AEBP1: variants seen among roughly 807,000 people sequenced by gnomAD.
AEBP1 encodes adipocyte enhancer-binding protein 1.
AEBP1 carries 69 observed loss-of-function variants against 116.5 expected under a neutral mutation model. The ratio of observed to expected loss-of-function variants is 0.59; its 90% CI spans 0.49 to 0.72. The LOEUF (loss-of-function observed/expected upper bound fraction) is 0.72. Among genes scored for constraint, AEBP1 ranks in the 30% least tolerant of loss-of-function variants. The pLI is 0.00. For synonymous variants in AEBP1, 627 were observed against 627.3 expected (o/e 1.00, Z 0.01); for missense variants, 1,444 against 1,557.5 (o/e 0.93, Z 1.23).
chr7:44,110,084 G>A lies in AEBP1; in HGVS notation c.1220G>A (p.Arg407His), dbSNP rs769581108. 131 of 1,612,988 alleles carry A rather than the reference G, an allele frequency of 8.1e-5. No individual in the cohort carries two copies. Among genetic ancestry groups the A allele is most frequent in the Non-Finnish European group, 6.2e-5 (73 of 1,180,018 alleles). ...DNQIRASSMLRHGLGAQRGRL... is the reference protein window; with the variant it reads ...DNQIRASSMLHHGLGAQRGRL... ...CAGATCCGAGCCTCCTCCATGCTGCGCCACGGCCTGGGGGCACAGCGCGGC... is the reference window on the plus strand; with the variant it reads ...CAGATCCGAGCCTCCTCCATGCTGCACCACGGCCTGGGGGCACAGCGCGGC... Residue 407 changes from arginine to histidine, a missense_variant, in exon 10 of 21, where the codon CGC becomes CAC. By Grantham distance (29) the Arg-to-His change is conservative (BLOSUM62 0). Transcript: ENST00000223357.
In AEBP1 at chr7:44,111,649, C is replaced by G; in HGVS notation, c.1840+19C>G. The G allele has an allele frequency of 6.2e-7, 1 of 1,609,768 alleles. No homozygotes were observed. The highest frequency in any genetic ancestry group is 1.1e-5 in the South Asian group (1 of 90,864). On this transcript the variant is annotated intron_variant, in intron 15 of 20. Transcript: ENST00000223357. This position sits in a 1 kb window ranked among gnomAD's most constrained non-coding sequence, Gnocchi z 4.7. ...GAACTGGGTGAGGGTCTGTGGGGGC[C>G]AGCAGCTGGCCTCTGCTGCTGATGT... is the stretch of plus-strand genomic sequence containing the variant.
chr7:44,110,839 G>A (rs1429987519), intron 12 of AEBP1, 30 bp downstream of exon 12: 1 of 1,606,488 alleles, frequency 6.2e-7, no homozygotes, highest in Admixed American at 1.7e-5. Flanking sequence ...TCTTGGCTCT[G>A]CTCCCATTGT....
intron 8 of AEBP1, 47 bp downstream of exon 8, chr7:44,109,231 G>A: frequency 6.2e-7 from 1 of 1,612,510 alleles, no homozygotes; most frequent in Non-Finnish European, 8.5e-7. Context: ...GGCAGCATCT[G>A]GACTCCTGAT....
In AEBP1 at chr7:44,113,429, C is replaced by A. The variant is rs1562689460; in HGVS notation, c.2809+78C>A. ...GAGGGTGGGGGCTTGAGGAACTCAG[C>A]GAGCAGGTAGAGTCTGGGGAGCCTG... On this transcript the variant is annotated intron_variant, in intron 20 of 20. Coordinates refer to ENST00000223357, the MANE Select transcript of AEBP1 (RefSeq NM_001129.5). This position sits in a 1 kb window ranked among gnomAD's most constrained non-coding sequence, Gnocchi z 5.3. 2.0e-6 allele frequency: 3 copies of A among 1,491,052 alleles called. No homozygotes were observed. Among genetic ancestry groups the A allele is most frequent in the Non-Finnish European group, 1.8e-6 (2 of 1,097,158 alleles). The allele number at this position is 1,491,052 out of a possible 1,614,324, so 92.4% of individuals were successfully genotyped here.
chr7:44,113,959 A>C lies in AEBP1; in HGVS notation c.3175A>C (p.Thr1059Pro). The C allele has an allele frequency of 1.2e-6, 2 of 1,613,414 alleles. No individual in the cohort carries two copies. The highest frequency in any genetic ancestry group is 1.7e-6 in the Non-Finnish European group (2 of 1,179,678). The change falls in exon 21 of 21, where the codon ACC (threonine) becomes CCC (proline). Residue 1059 changes from threonine (T) to proline (P), a missense_variant. Transcript: ENST00000223357. The surrounding 1 kb of genome is among the most constrained non-coding windows in gnomAD (Gnocchi z 5.3). Reference sequence around the variant, plus strand: ...TCCCACGCTGCCCCCTGCCCCTGCCACCACCCTGAGCACTACCATAGAGCC... The same window carrying C: ...TCCCACGCTGCCCCCTGCCCCTGCCCCCACCCTGAGCACTACCATAGAGCC... The part of the protein sequence containing the change: ...VPPTLPPAPA[T>P]TLSTTIEPWG...
In AEBP1 at chr7:44,114,426, G is replaced by A. The variant is rs2096234630; in HGVS notation, c.*165G>A. ...CCTTTGAGGGGGTGCAAACATGACT[G>A]GGACCTAAGAGCCAGAGGCTGTGTA... On this transcript the variant is annotated 3_prime_UTR_variant, in exon 21 of 21. Coordinates refer to ENST00000223357, the MANE Select transcript of AEBP1 (RefSeq NM_001129.5). 1 of 773,044 alleles carries A rather than the reference G, an allele frequency of 1.3e-6. No individual in the cohort carries two copies. The highest frequency in any genetic ancestry group is 1.7e-5 in the African/African-American group (1 of 57,160). 47.9% of individuals were successfully genotyped at this position (773,044 alleles called of 1,614,324 possible). A position where few individuals can be genotyped will look rare whatever the true frequency, so the allele number is the denominator to read the frequency against.
chr7:44,104,532 C>A lies in AEBP1; in HGVS notation c.-134C>A, dbSNP rs375810199. On this transcript the variant is annotated 5_prime_UTR_variant, in exon 1 of 21. Transcript: ENST00000223357. The stretch of plus-strand genomic sequence containing the variant: ...TCTCCCTCCCTTTCCCGGATTCCCT[C>A]GCTCACCCCATCCTCTCTCCCGCCC... The A allele has an allele frequency of 8.4e-4, 488 of 580,738 alleles. 11 individuals carry two copies. In the South Asian group the frequency reaches 0.014, roughly 16 times the overall value. 36.0% of individuals were successfully genotyped at this position (580,738 alleles called of 1,614,324 possible). A position where few individuals can be genotyped will look rare whatever the true frequency, so the allele number is the denominator to read the frequency against.
Position 44,111,353 on chromosome 7 carries a change from T to C in AEBP1, c.1716+114T>C. ...CCCTACTGGTTCCAGGGATGCTGGC[T>C]GTCCCTCACCTTAGGAAGGAGGCCA... On this transcript the variant is annotated intron_variant, in intron 14 of 20. Transcript: ENST00000223357. This position sits in a 1 kb window ranked among gnomAD's most constrained non-coding sequence, Gnocchi z 4.7. 7.1e-7 allele frequency: 1 copy of C among 1,404,504 alleles called. No individual in the cohort carries two copies. The highest frequency in any genetic ancestry group is 9.4e-7 in the Non-Finnish European group (1 of 1,058,886). The allele number at this position is 1,404,504 out of a possible 1,614,324, so 87.0% of individuals were successfully genotyped here. A position where few individuals can be genotyped will look rare whatever the true frequency, so the allele number is the denominator to read the frequency against.
Position 44,113,397 on chromosome 7 carries a change from C to T in AEBP1, c.2809+46C>T, listed in dbSNP as rs1274922009. The T allele has an allele frequency of 2.6e-6, 4 of 1,555,872 alleles. No individual in the cohort carries two copies. The Admixed American group carries it at 5.6e-5, about 22-fold the overall frequency. ...TACCCCATCTTTCTGAGGGAGGACC[C>T]GCCAGAGAGGGTGGGGGCTTGAGGA... On this transcript the variant is annotated intron_variant, in intron 20 of 20. Coordinates refer to ENST00000223357, the MANE Select transcript of AEBP1 (RefSeq NM_001129.5). The surrounding 1 kb of genome is among the most constrained non-coding windows in gnomAD (Gnocchi z 5.3).
At position 44,112,754 on chromosome 7, in the gene AEBP1, A is replaced by G; in HGVS notation, c.2414A>G (p.Glu805Gly). 3 of 1,613,112 alleles carry G rather than the reference A, an allele frequency of 1.9e-6. No homozygotes were observed. The highest frequency in any genetic ancestry group is 1.7e-4 in the Middle Eastern group (1 of 6,056). The change falls in exon 18 of 21, where the codon GAG becomes GGG. Residue 805 changes from glutamate to glycine, a missense_variant. Glu to Gly is a moderately conservative substitution (Grantham distance 98, BLOSUM62 -2). Coordinates refer to ENST00000223357, the MANE Select transcript of AEBP1 (RefSeq NM_001129.5). This position sits in a 1 kb window ranked among gnomAD's most constrained non-coding sequence, Gnocchi z 6.6. ...GAGGACGAGGTCTCCGAGGCCCAGG[A>G]GACTCCAGACCACGCCATCTTCCGG... ...EDEDEVSEAQ[E>G]TPDHAIFRWL...
chr7:44,104,877 CG>C lies in AEBP1; in HGVS notation c.218del (p.Gly73AlafsTer219), dbSNP rs112298043. 3 of 1,560,270 alleles carry C rather than the reference CG, an allele frequency of 1.9e-6. No individual in the cohort carries two copies. Among genetic ancestry groups the C allele is most frequent in the South Asian group, 2.3e-5 (2 of 85,532 alleles). ...EPTPRVRKAQ[A>X]GGKPGKRPGT... is the part of the protein sequence containing the mutation. ...ACCCCGCGGGTCCGAAAAGCCCAGG[CG>C]GGGGGCAAGCCAGGGAAGCGGCCAG... On this transcript the variant is annotated frameshift_variant, in exon 1 of 21. Transcript: ENST00000223357. LOFTEE classifies it high-confidence loss of function.
In AEBP1 at chr7:44,110,989, G is replaced by C. The variant is rs747457242; in HGVS notation, c.1562G>C (p.Arg521Pro). Residue 521 changes from arginine (R) to proline (P), a missense_variant, in exon 13 of 21, where the codon CGC becomes CCC. Coordinates refer to ENST00000223357, the MANE Select transcript of AEBP1 (RefSeq NM_001129.5). ...LPEPVVARFI[R>P]IYPLTWNGSL... ...GAGCCGGTGGTGGCTCGTTTCATCC[G>C]CATCTACCCACTCACCTGGAATGGC... 1.2e-6 allele frequency: 2 copies of C among 1,613,838 alleles called. No homozygotes were observed. The highest frequency in any genetic ancestry group is 1.3e-5 in the African/African-American group (1 of 75,006).
chr7:44,111,542 C>T lies in AEBP1; in HGVS notation c.1752C>T (p.Ile584=), dbSNP rs770936079. The part of the protein sequence containing the change: ...MKVVNEECPT[I]TRTYSLGKSS... ...TGGTGAACGAGGAGTGCCCCACCAT[C>T]ACCCGCACTTACAGCCTGGGCAAGA... is the stretch of plus-strand genomic sequence containing the variant. Residue 584 remains isoleucine, a synonymous_variant, in exon 15 of 21, where the codon ATC becomes ATT. Transcript: ENST00000223357. The surrounding 1 kb of genome is among the most constrained non-coding windows in gnomAD (Gnocchi z 4.7). 9.3e-6 allele frequency: 15 copies of T among 1,606,744 alleles called. No individual in the cohort carries two copies. The highest frequency in any genetic ancestry group is 3.5e-5 in the Admixed American group (2 of 57,534).
chr7:44,110,145 A>G (rs1390850945), intron 10 of AEBP1, 21 bp downstream of exon 10: 1 of 1,612,980 alleles, frequency 6.2e-7, no homozygotes. Flanking sequence ...GGATGGGCCC[A>G]TCTCCCAACT....
rs2096223961 is a variant in AEBP1, at chr7:44,107,336, C to T, written c.596-103C>T. The stretch of plus-strand genomic sequence containing the variant: ...GTGAGCTCGGCCTCAGGAGGGTGTC[C>T]ACAGGCTCTGTGTGGGCTCTATGGG... On this transcript the variant is annotated intron_variant, in intron 2 of 20. Coordinates refer to ENST00000223357, the MANE Select transcript of AEBP1 (RefSeq NM_001129.5). The surrounding 1 kb of genome is among the most constrained non-coding windows in gnomAD (Gnocchi z 4.3). The T allele has an allele frequency of 4.2e-6, 5 of 1,188,752 alleles. No individual in the cohort carries two copies. The South Asian group carries it at 6.4e-5, about 15-fold the overall frequency. The allele number at this position is 1,188,752 out of a possible 1,614,324, so 73.6% of individuals were successfully genotyped here. A position where few individuals can be genotyped will look rare whatever the true frequency, so the allele number is the denominator to read the frequency against.
Position 44,111,507 on chromosome 7 carries a change from C to A in AEBP1, c.1717C>A (p.Leu573Ile). ...TCCACGTCCTCCCCCTCTGCCCCAG[C>A]TCATGAAGGTGGTGAACGAGGAGTG... is the stretch of plus-strand genomic sequence containing the variant. ...RHHSYKDMRQLMKVVNEECPT... is the reference protein window; with the variant it reads ...RHHSYKDMRQIMKVVNEECPT... Residue 573 changes from leucine to isoleucine, a missense_variant and splice_region_variant, in exon 15 of 21, where the codon CTC becomes ATC. Physicochemically the swap from Leu to Ile is conservative, Grantham distance 5. Coordinates refer to ENST00000223357, the MANE Select transcript of AEBP1 (RefSeq NM_001129.5). This position sits in a 1 kb window ranked among gnomAD's most constrained non-coding sequence, Gnocchi z 4.7. 1 of 1,583,386 alleles carries A rather than the reference C, an allele frequency of 6.3e-7. No homozygotes were observed. The highest frequency in any genetic ancestry group is 8.6e-7 in the Non-Finnish European group (1 of 1,165,170).
rs574185444 is a variant in AEBP1 at position 44,112,943 on chromosome 7, C to T, written c.2569+34C>T. 133 of 1,612,798 alleles carry T rather than the reference C, an allele frequency of 8.2e-5. 2 individuals carry two copies. In the South Asian group the frequency reaches 1.4e-3, roughly 17 times the overall value. On this transcript the variant is annotated intron_variant, in intron 18 of 20. Coordinates refer to ENST00000223357, the MANE Select transcript of AEBP1 (RefSeq NM_001129.5). The surrounding 1 kb of genome is among the most constrained non-coding windows in gnomAD (Gnocchi z 6.6). ...GCCTGGGAGGGGCTGTGGGCGGGGC[C>T]TGGTCCGGAGAGGGGCTGACTTTGG...
intron 11 of AEBP1, among the ~76,000 whole-genome samples, 168 bp downstream of exon 11, chr7:44,110,514 G>C (rs1297796400): frequency 1.3e-5 from 2 of 152,248 alleles, no homozygotes; most frequent in Admixed American, 6.5e-5. Context: ...AGCCTGGTCA[G>C]TCAGCCCCTG....
chr7:44,108,188 C>A lies in AEBP1; in HGVS notation c.940+104C>A. 8.7e-7 allele frequency: 1 copy of A among 1,153,768 alleles called. No homozygotes were observed. 71.5% of individuals were successfully genotyped at this position (1,153,768 alleles called of 1,614,324 possible). A position where few individuals can be genotyped will look rare whatever the true frequency, so the allele number is the denominator to read the frequency against. ...GGGCAACTCACCCACCTTGCAACCC[C>A]ACCTGTGCCCGTGGTTACCTCGCTG... On this transcript the variant is annotated intron_variant, in intron 6 of 20. Transcript: ENST00000223357. The surrounding 1 kb of genome is among the most constrained non-coding windows in gnomAD (Gnocchi z 5.0).
Sources: allele counts gnomAD v4.1 joint callset (sites outside exome capture counted in the v4.1 genomes callset), GRCh38; gene constraint gnomAD v4.1.1; non-coding constraint Gnocchi (gnomAD v3.1); transcripts MANE v1.5; gene names NCBI Gene and HGNC (gene_info 2026-07-23, HGNC 2026-07-21).